The following ME1 variants were observed in gnomAD, a reference collection of about 807,000 sequenced individuals.
ME1 encodes NADP-dependent malic enzyme.
ME1 carries 74 observed loss-of-function variants against 66.4 expected under a neutral mutation model. The observed-to-expected ratio is 1.11, with a 90% CI of 0.92 to 1.35. The LOEUF (loss-of-function observed/expected upper bound fraction) is 1.35, where lower values mean the gene tolerates loss of function less well. Ranked by LOEUF, ME1 falls within the 40% of genes most tolerant of loss-of-function variation. The probability of loss-of-function intolerance (pLI) is 0.00; values close to 1 mark genes in which losing one functional copy is unlikely to be tolerated. For synonymous variants in ME1, 251 were observed against 235.6 expected, an observed-to-expected ratio of 1.07 and a Z score of -0.60; for missense variants, 750 against 694.1, an observed-to-expected ratio of 1.08 and a Z score of -0.90.
intron 6 of ME1, among the ~76,000 whole-genome samples, chr6:83,283,676 G>A (rs1767348847): frequency 6.6e-6 from 1 of 152,028 alleles, no homozygotes; most frequent in Non-Finnish European, 1.5e-5. Flanking sequence ...ACCAAATCTA[G>A]GAATTACTGG....
At chr6:83,416,330 T>A (rs866936037) in intron 1 of ME1, among the ~76,000 whole-genome samples, 10 of 152,192 alleles carry the variant, frequency 6.6e-5, no homozygotes, top group Admixed American at 1.3e-4. Flanking sequence ...GCTACATGAA[T>A]ATTGACTTTT....
intron 7 of ME1, among the ~76,000 whole-genome samples, chr6:83,247,749 T>C (rs1156378519): frequency 6.6e-6 from 1 of 152,158 alleles, no homozygotes; most frequent in African/African-American, 2.4e-5. Context: ...AAGGGCACGA[T>C]TTTGCATGAT....
chr6:83,428,136 A>G (rs1315674037), intron 1 of ME1, among the ~76,000 whole-genome samples: 1 of 152,216 alleles, frequency 6.6e-6, no homozygotes, highest in Non-Finnish European at 1.5e-5. Context: ...CTTCCCTAGA[A>G]AGATCATTAT....
chr6:83,257,106 GGGTGCAGCAAACCACCAT>G (rs1766787708), intron 6 of ME1, among the ~76,000 whole-genome samples: 1 of 151,922 alleles, frequency 6.6e-6, no homozygotes, highest in Non-Finnish European at 1.5e-5. Context: ...ATGGGTTGAT[GGGTGCAGCAAACCACCAT>G]GGCGCATGTA....
intron 1 of ME1, among the ~76,000 whole-genome samples, chr6:83,422,355 G>C (rs1013062832): frequency 6.6e-6 from 1 of 152,166 alleles, no homozygotes; most frequent in Non-Finnish European, 1.5e-5. Flanking sequence ...ACCAGGTTGA[G>C]TGACCACTAA....
chr6:83,229,873 T>A (rs917430426), intron 9 of ME1, among the ~76,000 whole-genome samples: 1 of 152,202 alleles, frequency 6.6e-6, no homozygotes, highest in Non-Finnish European at 1.5e-5. Context: ...GTCATGCAAG[T>A]TGGAGTGCTG....
chr6:83,284,642 TC>T (rs1338055108), intron 6 of ME1, among the ~76,000 whole-genome samples: 1 of 151,976 alleles, frequency 6.6e-6, no homozygotes, highest in East Asian at 1.9e-4. Context: ...TTCAATAAAA[TC>T]CAACATCCCT....
At chr6:83,248,652 A>C (rs1463544264) in intron 7 of ME1, among the ~76,000 whole-genome samples, 1 of 152,152 alleles carries the variant, frequency 6.6e-6, no homozygotes, top group Non-Finnish European at 1.5e-5. Flanking sequence ...AGTTCTCACA[A>C]GACCTAATGG....
chr6:83,318,695 A>G (rs1768087599), intron 5 of ME1, among the ~76,000 whole-genome samples: 2 of 31,054 alleles, frequency 6.4e-5, no homozygotes, highest in African/African-American at 2.2e-4. Context: ...ACACTTTTAC[A>G]CTGTTGGTGG....
At chr6:83,356,075 T>C (rs1768883845) in intron 3 of ME1, among the ~76,000 whole-genome samples, 1 of 152,172 alleles carries the variant, frequency 6.6e-6, no homozygotes. Flanking sequence ...CTTCATGTTA[T>C]CTCAGATAAT....
intron 4 of ME1, among the ~76,000 whole-genome samples, chr6:83,348,465 A>G (rs1768728969): frequency 6.6e-6 from 1 of 152,130 alleles, no homozygotes; most frequent in South Asian, 2.1e-4. Context: ...TTTTATAAGG[A>G]GAGTAATATT....
intron 5 of ME1, among the ~76,000 whole-genome samples, chr6:83,317,980 C>A (rs1297802870): frequency 6.6e-6 from 1 of 152,130 alleles, no homozygotes; most frequent in African/African-American, 2.4e-5. Flanking sequence ...CAGAACAGAG[C>A]CCTCAGAAAT....
rs67482208 is a variant in ME1, at chr6:83,273,176, C to CAAAA, written c.705-19442_705-19439dup. Among the ~76,000 whole-genome samples the CAAAA allele has an allele frequency of 6.9e-3, 483 of 70,020 alleles. 20 individuals carry two copies. Among genetic ancestry groups the CAAAA allele is most frequent in the African/African-American group, 0.022 (422 of 19,604 alleles). The allele number at this position is 70,020 out of a possible 152,430, so 45.9% of individuals were successfully genotyped here. ...TGGGTGACAGAATGAGACTCTGCCT[C>CAAAA]AAAAAAAAAAAAAAAAAAAAAGACA... On this transcript the variant is annotated intron_variant, in intron 6 of 13. Coordinates refer to ENST00000369705, the MANE Select transcript of ME1 (RefSeq NM_002395.6).
intron 12 of ME1, among the ~76,000 whole-genome samples, chr6:83,223,199 G>A (rs1022934522): frequency 1.3e-5 from 2 of 152,286 alleles, no homozygotes; most frequent in South Asian, 2.1e-4. Context: ...TGTAGCCCAG[G>A]ATGCAGTGCA....
At chr6:83,292,239 T>C (rs1463112179) in intron 6 of ME1, among the ~76,000 whole-genome samples, 2 of 152,226 alleles carry the variant, frequency 1.3e-5, no homozygotes, top group African/African-American at 4.8e-5. Flanking sequence ...CTCTGGTTTC[T>C]ACACATCTTT....
At chr6:83,283,144 C>T (rs1338880548) in intron 6 of ME1, among the ~76,000 whole-genome samples, 150 of 142,130 alleles carry the variant, frequency 1.1e-3, no homozygotes, top group African/African-American at 3.8e-3. Flanking sequence ...AGGAGAATGG[C>T]GTGAACCCGG....
chr6:83,314,431 T>C (rs2128539046), intron 6 of ME1, among the ~76,000 whole-genome samples: 1 of 152,220 alleles, frequency 6.6e-6, no homozygotes, highest in East Asian at 1.9e-4. Context: ...AAATGATTGC[T>C]TATTGCTAGC....
intron 1 of ME1, among the ~76,000 whole-genome samples, chr6:83,414,111 G>GAAA (rs758493692): frequency 9.0e-5 from 6 of 66,500 alleles, no homozygotes; most frequent in Non-Finnish European, 1.3e-4. Flanking sequence ...ACCCCATCTT[G>GAAA]AAAAAAAAAA....
chr6:83,413,829 C>T (rs12197649), intron 1 of ME1, among the ~76,000 whole-genome samples: 38,923 of 151,924 alleles, frequency 0.26, 5,588 homozygotes, highest in Middle Eastern at 0.46. Context: ...CTAGAATTGG[C>T]TGGGCATGAT....
Sources: gnomAD v4.1 joint callset for allele counts (sites outside exome capture counted in the v4.1 genomes callset) on GRCh38, gnomAD v4.1.1 for gene constraint, MANE v1.5 for transcripts, NCBI Gene and HGNC (gene_info 2026-07-23, HGNC 2026-07-21) for gene names.